Variants in NDUFB11 observed in about 807,000 individuals in gnomAD.
The protein encoded by NDUFB11 is NADH:ubiquinone oxidoreductase subunit B11, also known as NADH dehydrogenase [ubiquinone] 1 beta subcomplex subunit 11, mitochondrial.
For missense variants in NDUFB11, 108 were observed against 133.8 expected (o/e 0.81, Z 0.95); for synonymous variants, 51 against 57.4 (o/e 0.89, Z 0.51).
chrX:47,144,725 C>T (rs781825567), upstream of NDUFB11: 27 of 1,054,788 alleles, frequency 2.6e-5, no homozygotes, highest in Non-Finnish European at 3.4e-5. Context: ...AGAAATGCGA[C>T]TGTGCGCAGC....
At chrX:47,144,840 T>A, upstream of NDUFB11, 1 of 487,889 alleles carries the variant, frequency 2.0e-6, no homozygotes, top group Non-Finnish European at 3.2e-6. Context: ...AGCAACCCTC[T>A]TTGCCTCCAG....
chrX:47,145,452 T>C, upstream of NDUFB11: 7 of 1,152,715 alleles, frequency 6.1e-6, no homozygotes, highest in Non-Finnish European at 8.0e-6. Flanking sequence ...AGGTGATGTC[T>C]GGGAGCCCTT....
At chrX:47,142,479 T>TG in intron 2 of NDUFB11, 39 bp from the exon 3 acceptor site, 4 of 1,208,237 alleles carry the variant, frequency 3.3e-6, no homozygotes, top group Non-Finnish European at 4.5e-6. Context: ...TGAGGGAGCC[T>TG]CAACTGATAC....
chrX:47,144,440 CCCACTA>C, intron 1 of NDUFB11, 27 bp downstream of exon 1: 6 of 375,056 alleles, frequency 1.6e-5, no homozygotes, highest in Non-Finnish European at 1.1e-5. Flanking sequence ...GGGTTCCGTC[CCCACTA>C]CCCCCCCCCC....
Position 47,142,375 on chromosome X carries a change from G to A in NDUFB11, c.404C>T (p.Pro135Leu), listed in dbSNP as rs1293922210. ...LVKYREANGL[P>L]IMESNCFDPS... ...GTCGAAGCAGTTGGATTCCATGATG[G>A]GAAGGCCATTGGCCTCTCGGTATTT... The change falls in exon 3 of 3, where the codon CCC becomes CTC. Residue 135 changes from proline (P) to leucine (L), a missense_variant. By Grantham distance (98) the Pro-to-Leu change is moderately conservative. Transcript: ENST00000377811. The A allele has an allele frequency of 5.8e-6, 7 of 1,211,531 alleles. No homozygotes were observed. Among genetic ancestry groups the A allele is most frequent in the Non-Finnish European group, 5.6e-6 (5 of 895,431 alleles).
At chrX:47,143,600 G>A (rs781803518) in intron 1 of NDUFB11, among the ~76,000 whole-genome samples, 6 of 112,414 alleles carry the variant, frequency 5.3e-5, no homozygotes, top group South Asian at 7.3e-4. Flanking sequence ...ACATACTTAC[G>A]AAGTGCCAGC....
chrX:47,144,295 A>G (rs1247084857), intron 1 of NDUFB11, among the ~76,000 whole-genome samples, 178 bp downstream of exon 1: 1 of 109,042 alleles, frequency 9.2e-6, no homozygotes, highest in Non-Finnish European at 1.9e-5. Context: ...GAACGAAGAT[A>G]CCGAGAGACA....
chrX:47,144,446 A>ACCACCC, intron 1 of NDUFB11, 27 bp downstream of exon 1: 1 of 53,658 alleles, frequency 1.9e-5, no homozygotes, highest in Admixed American at 1.9e-4. Flanking sequence ...CGTCCCCACT[A>ACCACCC]CCCCCCCCCC....
At chrX:47,144,444 CTA>C (rs1409891946) in intron 1 of NDUFB11, 27 bp downstream of exon 1, 78 of 295,738 alleles carry the variant, frequency 2.6e-4, no homozygotes, top group African/African-American at 1.4e-3. Flanking sequence ...TCCGTCCCCA[CTA>C]CCCCCCCCCC....
intron 1 of NDUFB11, 66 bp from the exon 2 acceptor site, chrX:47,142,810 T>A: frequency 9.0e-7 from 1 of 1,111,268 alleles, no homozygotes; most frequent in Non-Finnish European, 1.2e-6. Flanking sequence ...TGGCCCTGCA[T>A]AACTTGGTCT....
rs1556760680 is a variant in NDUFB11, at chrX:47,142,688, T to C, written c.264A>G (p.Arg88=). 8.3e-7 allele frequency: 1 copy of C among 1,211,693 alleles called. No homozygotes were observed. Among genetic ancestry groups the C allele is most frequent in the Non-Finnish European group, 1.1e-6 (1 of 895,443 alleles). ...TGGAGACGCCAAAGAAGAAGACAAG[T>C]CGCATGTTCCAGACGTCCAAAACGG... is the stretch of plus-strand genomic sequence containing the variant. ...KDPVLDVWNM[R]LVFFFGVSII... is the part of the protein sequence containing the mutation. The change falls in exon 2 of 3, where the codon CGA becomes CGG. Residue 88 remains arginine, a synonymous_variant. Transcript: ENST00000377811.
intron 2 of NDUFB11, 59 bp from the exon 3 acceptor site, chrX:47,142,499 A>T: frequency 8.3e-7 from 1 of 1,204,320 alleles, no homozygotes; most frequent in Admixed American, 2.2e-5. Flanking sequence ...CCAATCCCTC[A>T]TCTCAGCTCC....
At chrX:47,144,008 C>T (rs188019711) in intron 1 of NDUFB11, among the ~76,000 whole-genome samples, 3 of 110,436 alleles carry the variant, frequency 2.7e-5, no homozygotes, top group African/African-American at 9.9e-5. Context: ...AGAACACAGA[C>T]GGGGCCCGGA....
At chrX:47,144,441 CCACTA>C (rs1931912388) in intron 1 of NDUFB11, 27 bp downstream of exon 1, 5 of 392,492 alleles carry the variant, frequency 1.3e-5, no homozygotes, top group East Asian at 1.1e-4. Flanking sequence ...GGTTCCGTCC[CCACTA>C]CCCCCCCCCC....
At chrX:47,145,328 C>T (rs924378887), upstream of NDUFB11, 32 of 796,105 alleles carry the variant, frequency 4.0e-5, no homozygotes, top group Middle Eastern at 6.4e-4. Flanking sequence ...CCTGGGAGGG[C>T]AGCGCGCTTG....
At chrX:47,145,364 C>T, upstream of NDUFB11, 9 of 1,010,836 alleles carry the variant, frequency 8.9e-6, no homozygotes, top group Non-Finnish European at 1.2e-5. Flanking sequence ...CCCCGATCTG[C>T]CTCCAGTCTC....
At chrX:47,142,566 C>G in intron 2 of NDUFB11, 48 bp downstream of exon 2, 1 of 1,208,148 alleles carries the variant, frequency 8.3e-7, no homozygotes. Flanking sequence ...AACCTCCATC[C>G]CTGCCTCTGC....
chrX:47,142,243 G>A lies in NDUFB11; in HGVS notation c.*74C>T. The A allele has an allele frequency of 8.7e-7, 1 of 1,144,137 alleles. No homozygotes were observed. Among genetic ancestry groups the A allele is most frequent in the East Asian group, 3.1e-5 (1 of 31,949 alleles). The allele number at this position is 1,144,137 out of a possible 1,213,427, so 94.3% of individuals were successfully genotyped here. A position where few individuals can be genotyped will look rare whatever the true frequency, so the allele number is the denominator to read the frequency against. ...AGACTTTCAGCCCCTTTAATTAGGT[G>A]CTCTGAGAAGAGGTCAGAATGGCAG... On this transcript the variant is annotated 3_prime_UTR_variant, in exon 3 of 3. Coordinates refer to ENST00000377811, the MANE Select transcript of NDUFB11 (RefSeq NM_001135998.3).
upstream of NDUFB11, chrX:47,144,712 G>A: frequency 9.1e-7 from 1 of 1,102,035 alleles, no homozygotes; most frequent in Non-Finnish European, 1.2e-6. Context: ...CAGGGGCGGG[G>A]AAAGAAATGC....
Sources: allele counts gnomAD v4.1 joint callset (sites outside exome capture counted in the v4.1 genomes callset), GRCh38; gene constraint gnomAD v4.1.1; transcripts MANE v1.5; gene names NCBI Gene and HGNC (gene_info 2026-07-23, HGNC 2026-07-21).